Variants in SNRPE observed in about 807,000 individuals in gnomAD.
SNRPE encodes the protein small nuclear ribonucleoprotein polypeptide E.
For missense variants in SNRPE, 53 were observed against 111.6 expected, an observed-to-expected ratio of 0.48 and a Z score of 2.36; for synonymous variants, 35 against 36.7, an observed-to-expected ratio of 0.95 and a Z score of 0.17.
chr1:203,863,027 T>C (rs1348583589), intron 2 of SNRPE, among the ~76,000 whole-genome samples: 1 of 152,154 alleles, frequency 6.6e-6, no homozygotes, highest in African/African-American at 2.4e-5. Flanking sequence ...ATAGAACTTA[T>C]TAAATGAAAA....
intron 3 of SNRPE, among the ~76,000 whole-genome samples, chr1:203,864,151 A>G (rs1690038008): frequency 6.6e-6 from 1 of 152,016 alleles, no homozygotes. Flanking sequence ...ATGAGGTCTC[A>G]CTGTGTTGCC....
At chr1:203,869,289 CTTTTTTTTTTTTTTTTTTTTTT>C (rs564988259) in intron 4 of SNRPE, among the ~76,000 whole-genome samples, 6 of 66,792 alleles carry the variant, frequency 9.0e-5, no homozygotes, top group African/African-American at 1.8e-4. Flanking sequence ...AGGATGGAGT[CTTTTTTTTTTTTTTTTTTTTTT>C]TTTTTTTTTT....
intron 4 of SNRPE, among the ~76,000 whole-genome samples, 196 bp from the exon 5 acceptor site, chr1:203,869,681 A>G (rs899747812): frequency 5.9e-5 from 9 of 152,174 alleles, no homozygotes; most frequent in Admixed American, 1.3e-4. Flanking sequence ...TCATCTACCT[A>G]TGTTAGTCTC....
At chr1:203,865,246 T>A in intron 4 of SNRPE, 127 bp downstream of exon 4, 1 of 844,114 alleles carries the variant, frequency 1.2e-6, no homozygotes, top group Non-Finnish European at 1.8e-6. Flanking sequence ...AGAGTAGTAG[T>A]ACACTTTTGA....
Position 203,861,659 on chromosome 1 carries a change from C to A in SNRPE, c.-1C>A. The A allele has an allele frequency of 1.2e-6, 2 of 1,612,326 alleles. No individual in the cohort carries two copies. Among genetic ancestry groups the A allele is most frequent in the South Asian group, 1.1e-5 (1 of 91,034 alleles). On this transcript the variant is annotated 5_prime_UTR_variant, in exon 1 of 5. Coordinates refer to ENST00000414487, the MANE Select transcript of SNRPE (RefSeq NM_003094.4). ...GGGTGTGCTCTTTGTGAAATTCCAC[C>A]ATGGCGTACCGTGGCCAGGGTCAGA...
intron 3 of SNRPE, among the ~76,000 whole-genome samples, chr1:203,864,019 A>G (rs1445965029): frequency 2.0e-5 from 3 of 152,224 alleles, no homozygotes; most frequent in East Asian, 3.8e-4. Context: ...CAGTGGCACA[A>G]TCATGGCTCG....
intron 4 of SNRPE, among the ~76,000 whole-genome samples, chr1:203,866,761 T>TA (rs1205875921): frequency 2.3e-4 from 35 of 151,220 alleles, no homozygotes; most frequent in African/African-American, 6.6e-4. Context: ...GCTGTTAGGA[T>TA]AAAAAAAAAT....
At position 203,869,289 on chromosome 1, in the gene SNRPE, C is replaced by CT. The variant is rs564988259; in HGVS notation, c.224-554dup. ...AGGTTTGTTTATTGTAGGATGGAGT[C>CT]TTTTTTTTTTTTTTTTTTTTTTTTT... On this transcript the variant is annotated intron_variant, in intron 4 of 4. Coordinates refer to ENST00000414487, the MANE Select transcript of SNRPE (RefSeq NM_003094.4). Among the ~76,000 whole-genome samples, 56 of 66,798 alleles carry CT rather than the reference C, an allele frequency of 8.4e-4. 2 individuals are homozygous for CT. Among genetic ancestry groups the CT allele is most frequent in the African/African-American group, 2.2e-3 (37 of 16,622 alleles). 43.8% of individuals were successfully genotyped at this position (66,798 alleles called of 152,430 possible).
rs1690185384 is a variant in SNRPE at position 203,870,138 on chromosome 1, T to C, written c.*206T>C. The C allele has an allele frequency of 4.4e-6, 2 of 456,186 alleles. No individual in the cohort carries two copies. The highest frequency in any genetic ancestry group is 2.0e-5 in the African/African-American group (1 of 49,258). The allele number at this position is 456,186 out of a possible 1,614,324, so 28.3% of individuals were successfully genotyped here. A position where few individuals can be genotyped will look rare whatever the true frequency, so the allele number is the denominator to read the frequency against. ...AGAAACTTTTTACACAGTAACACCA[T>C]TCGTTGCTGGTATTTAGTTTTCTGA... On this transcript the variant is annotated 3_prime_UTR_variant, in exon 5 of 5. Transcript: ENST00000414487.
At chr1:203,866,043 ATCAGCTTAACCT>A (rs1175152437) in intron 4 of SNRPE, among the ~76,000 whole-genome samples, 1 of 151,614 alleles carries the variant, frequency 6.6e-6, no homozygotes, top group Non-Finnish European at 1.5e-5. Flanking sequence ...GCCGTTGGTG[ATCAGCTTAACCT>A]TCAGCTCCTT....
chr1:203,864,992 G>A, intron 3 of SNRPE, 49 bp from the exon 4 acceptor site: 1 of 1,566,936 alleles, frequency 6.4e-7, no homozygotes, highest in Non-Finnish European at 8.7e-7. Context: ...CATTTAAAAT[G>A]GTTTGAATGT....
chr1:203,865,258 A>G (rs915717502), intron 4 of SNRPE, 139 bp downstream of exon 4: 1 of 750,396 alleles, frequency 1.3e-6, no homozygotes, highest in African/African-American at 1.8e-5. Context: ...CACTTTTGAA[A>G]TCATCCTCTA....
At chr1:203,864,633 T>C (rs2103507362) in intron 3 of SNRPE, among the ~76,000 whole-genome samples, 1 of 152,208 alleles carries the variant, frequency 6.6e-6, no homozygotes, top group South Asian at 2.1e-4. Flanking sequence ...TCCTAGCACT[T>C]AGGGAGGCCG....
intron 4 of SNRPE, among the ~76,000 whole-genome samples, chr1:203,867,398 T>C (rs1690114877): frequency 6.6e-6 from 1 of 152,116 alleles, no homozygotes; most frequent in Admixed American, 6.5e-5. Flanking sequence ...TTCAGGCACA[T>C]TACATTTATA....
At chr1:203,869,617 T>A (rs1294315402) in intron 4 of SNRPE, among the ~76,000 whole-genome samples, 1 of 152,226 alleles carries the variant, frequency 6.6e-6, no homozygotes, top group Non-Finnish European at 1.5e-5. Context: ...GGAAATGTTG[T>A]ATGAGGCCTA....
intron 4 of SNRPE, among the ~76,000 whole-genome samples, chr1:203,866,664 T>G (rs1277181558): frequency 6.6e-6 from 1 of 152,194 alleles, no homozygotes. Context: ...ACCTCCAGTT[T>G]GCTTTCCAGG....
chr1:203,869,590 T>G (rs528058485), intron 4 of SNRPE, among the ~76,000 whole-genome samples: 13 of 152,326 alleles, frequency 8.5e-5, no homozygotes, highest in Non-Finnish European at 1.5e-4. Flanking sequence ...CAAACTTTTA[T>G]TACAAATTCA....
chr1:203,869,943 T>A lies in SNRPE; in HGVS notation c.*11T>A, dbSNP rs773826251. The stretch of plus-strand genomic sequence containing the variant: ...AGTGTCTCCAACTAGAAATGATCAA[T>A]GAAGTGAGAAATTGTTGAGAAGGAT... On this transcript the variant is annotated 3_prime_UTR_variant, in exon 5 of 5. Coordinates refer to ENST00000414487, the MANE Select transcript of SNRPE (RefSeq NM_003094.4). The A allele has an allele frequency of 3.1e-5, 48 of 1,547,562 alleles. No individual in the cohort carries two copies. Among genetic ancestry groups the A allele is most frequent in the Non-Finnish European group, 3.8e-5 (43 of 1,125,512 alleles).
At position 203,870,033 on chromosome 1, in the gene SNRPE, C is replaced by T. The variant is rs141330314; in HGVS notation, c.*101C>T. 90 of 672,800 alleles carry T rather than the reference C, an allele frequency of 1.3e-4. No homozygotes were observed. The highest frequency in any genetic ancestry group is 1.2e-3 in the African/African-American group (64 of 54,552). The allele number at this position is 672,800 out of a possible 1,614,324, so 41.7% of individuals were successfully genotyped here. On this transcript the variant is annotated 3_prime_UTR_variant, in exon 5 of 5. Transcript: ENST00000414487. ...TTATTCATATTGTTTTGATTACCCT[C>T]GTGTTACTACAAGATGGCAATAAAT...
Sources: gnomAD v4.1 joint callset for allele counts (sites outside exome capture counted in the v4.1 genomes callset) on GRCh38, gnomAD v4.1.1 for gene constraint, MANE v1.5 for transcripts, NCBI Gene and HGNC (gene_info 2026-07-23, HGNC 2026-07-21) for gene names.